Variants in PHF3 observed in about 807,000 individuals in gnomAD.
PHF3 encodes the protein PHD finger protein 3.
Under a neutral mutation model 178.4 loss-of-function variants are expected in PHF3, and 41 were observed. That is an observed-to-expected ratio of 0.23 (90% CI 0.18 to 0.30). The LOEUF is 0.30. Ranked by LOEUF, PHF3 falls within the 10% of genes least tolerant of loss-of-function variation. The pLI is 1.00. For synonymous variants in PHF3, 842 were observed against 800.5 expected (o/e 1.05, Z -0.88); for missense variants, 2,346 against 2,398.1 (o/e 0.98, Z 0.45).
chr6:63,702,658 T>C lies in PHF3; in HGVS notation c.3231+19T>C, dbSNP rs780047128. On this transcript the variant is annotated intron_variant, in intron 10 of 15. Coordinates refer to ENST00000262043, the MANE Select transcript of PHF3 (RefSeq NM_001370348.2). ...GATTCAGGTAAGGATAGATATGCCA[T>C]GTTTTATAGCTCAAAACATGAAGAT... is the stretch of plus-strand genomic sequence containing the variant. 4 of 1,594,046 alleles carry C rather than the reference T, an allele frequency of 2.5e-6. No individual in the cohort carries two copies. Among genetic ancestry groups the C allele is most frequent in the Middle Eastern group, 1.7e-4 (1 of 5,948 alleles).
intron 2 of PHF3, among the ~76,000 whole-genome samples, chr6:63,670,460 G>A (rs1369341035): frequency 6.6e-6 from 1 of 151,950 alleles, no homozygotes; most frequent in Non-Finnish European, 1.5e-5. Flanking sequence ...AGTAGAGATG[G>A]GGTTTCACCA....
chr6:63,646,842 AAAT>A (rs752560132), intron 2 of PHF3, 47 bp downstream of exon 2: 2 of 1,253,932 alleles, frequency 1.6e-6, no homozygotes, highest in Non-Finnish European at 2.0e-6. Context: ...CTGCAATTTA[AAAT>A]AAAAAAATTT....
At chr6:63,711,416 C>A (rs1465896611) in intron 15 of PHF3, 54 bp downstream of exon 15, 3 of 1,459,916 alleles carry the variant, frequency 2.1e-6, no homozygotes, top group Non-Finnish European at 2.8e-6. Flanking sequence ...GGAGGTGGGA[C>A]CAGAGTGAAA....
At chr6:63,652,855 A>T (rs773169529) in intron 2 of PHF3, among the ~76,000 whole-genome samples, 1 of 151,704 alleles carries the variant, frequency 6.6e-6, no homozygotes, top group Non-Finnish European at 1.5e-5. Context: ...ATGTGGATTC[A>T]TTTCTGGGTT....
intron 2 of PHF3, among the ~76,000 whole-genome samples, chr6:63,672,565 A>T (rs1765965793): frequency 6.6e-6 from 1 of 152,178 alleles, no homozygotes; most frequent in Non-Finnish European, 1.5e-5. Flanking sequence ...TACTCCTTTA[A>T]TGAAATTAGA....
At chr6:63,707,404 C>CAT (rs1767741076) in intron 13 of PHF3, among the ~76,000 whole-genome samples, 2 of 152,038 alleles carry the variant, frequency 1.3e-5, no homozygotes, top group Non-Finnish European at 2.9e-5. Flanking sequence ...CAAGTGATAC[C>CAT]CTTGGTTGGT....
intron 13 of PHF3, among the ~76,000 whole-genome samples, chr6:63,707,863 G>GTT (rs1767761456): frequency 6.6e-6 from 1 of 151,414 alleles, no homozygotes; most frequent in East Asian, 1.9e-4. Flanking sequence ...TTTTGTTTTT[G>GTT]TTTTTGTTTT....
rs1245124237 is a variant in PHF3, at chr6:63,718,425, AATG to A, written c.*4720_*4722del. Among the ~76,000 whole-genome samples the A allele has an allele frequency of 3.9e-5, 6 of 152,082 alleles. No homozygotes were observed. The highest frequency in any genetic ancestry group is 7.4e-5 in the Non-Finnish European group (5 of 67,962). On this transcript the variant is annotated 3_prime_UTR_variant, in exon 16 of 16. Coordinates refer to ENST00000262043, the MANE Select transcript of PHF3 (RefSeq NM_001370348.2). ...CATTATTTAGCATACTAGAAAATCA[AATG>A]ATAAACGTTAAAAATATTTGTTAAT...
At chr6:63,699,168 T>A (rs768926982) in intron 8 of PHF3, among the ~76,000 whole-genome samples, 1 of 152,214 alleles carries the variant, frequency 6.6e-6, no homozygotes, top group Non-Finnish European at 1.5e-5. Context: ...AGAGGAAATC[T>A]AAAGGCTGTG....
intron 2 of PHF3, among the ~76,000 whole-genome samples, chr6:63,662,298 C>G (rs528154897): frequency 1.9e-4 from 29 of 152,238 alleles, no homozygotes; most frequent in African/African-American, 7.0e-4. Flanking sequence ...CTTAAATAGA[C>G]AGGAGAAGCT....
rs965725171 is a variant in PHF3 at position 63,718,941 on chromosome 6, G to A, written c.*5233G>A. The stretch of plus-strand genomic sequence containing the variant: ...TCCTTATGATCTGAGTATCTCCAAA[G>A]TTAAATGCAATAGTATGGAGCAATA... On this transcript the variant is annotated 3_prime_UTR_variant, in exon 16 of 16. Coordinates refer to ENST00000262043, the MANE Select transcript of PHF3 (RefSeq NM_001370348.2). Among the ~76,000 whole-genome samples the A allele has an allele frequency of 2.0e-5, 3 of 151,920 alleles. No individual in the cohort carries two copies. Among genetic ancestry groups the A allele is most frequent in the African/African-American group, 7.2e-5 (3 of 41,380 alleles).
intron 2 of PHF3, among the ~76,000 whole-genome samples, chr6:63,654,443 TG>T (rs1765146679): frequency 6.6e-6 from 1 of 152,236 alleles, no homozygotes; most frequent in Non-Finnish European, 1.5e-5. Flanking sequence ...TAAAAATTTC[TG>T]TAAGATTGAT....
chr6:63,672,084 G>C (rs1028827700), intron 2 of PHF3, among the ~76,000 whole-genome samples: 3 of 151,930 alleles, frequency 2.0e-5, no homozygotes, highest in African/African-American at 7.3e-5. Context: ...CTTGTCGTCT[G>C]TCCGCCTCAG....
At chr6:63,688,208 T>G (rs1766806422) in intron 4 of PHF3, among the ~76,000 whole-genome samples, 2 of 84,842 alleles carry the variant, frequency 2.4e-5, no homozygotes, top group African/African-American at 4.6e-5. Context: ...AAAGCCTATG[T>G]AATTGTTTTT....
chr6:63,679,518 A>G (rs1464843590), intron 2 of PHF3, among the ~76,000 whole-genome samples: 1 of 151,700 alleles, frequency 6.6e-6, no homozygotes, highest in Non-Finnish European at 1.5e-5. Context: ...ACCAGTCAAA[A>G]GTACATCTGC....
In PHF3 at chr6:63,684,109, AT is replaced by A. The variant is rs748024153; in HGVS notation, c.407-14del. On this transcript the variant is annotated intron_variant, in intron 3 of 15. Transcript: ENST00000262043. ...ACAAAATAGCTAAGTATTTTTATTT[AT>A]TTTTTCCCCCTGTGATAGAACAAGT... is the stretch of plus-strand genomic sequence containing the variant. 1.0e-5 allele frequency: 16 copies of A among 1,531,936 alleles called. No homozygotes were observed. Among genetic ancestry groups the A allele is most frequent in the Admixed American group, 6.5e-5 (3 of 46,364 alleles). 94.9% of individuals were successfully genotyped at this position (1,531,936 alleles called of 1,614,324 possible). A position where few individuals can be genotyped will look rare whatever the true frequency, so the allele number is the denominator to read the frequency against.
chr6:63,640,855 TTG>T (rs1348454859), intron 1 of PHF3, among the ~76,000 whole-genome samples: 1 of 152,140 alleles, frequency 6.6e-6, no homozygotes, highest in African/African-American at 2.4e-5. Context: ...GGATAATTTT[TTG>T]TGTGTGTGTG....
At chr6:63,692,197 T>G (rs1767038190) in intron 5 of PHF3, among the ~76,000 whole-genome samples, 154 bp downstream of exon 5, 1 of 152,214 alleles carries the variant, frequency 6.6e-6, no homozygotes, top group Non-Finnish European at 1.5e-5. Flanking sequence ...TTATTTAAAA[T>G]TTTTTGTCAG....
chr6:63,724,698 TATC>T lies in PHF3; in HGVS notation c.*10993_*10995del, dbSNP rs773064566. Among the ~76,000 whole-genome samples the T allele has an allele frequency of 6.6e-6, 1 of 152,142 alleles. No homozygotes were observed. The highest frequency in any genetic ancestry group is 1.5e-5 in the Non-Finnish European group (1 of 68,002). On this transcript the variant is annotated 3_prime_UTR_variant, in exon 16 of 16. Coordinates refer to ENST00000262043, the MANE Select transcript of PHF3 (RefSeq NM_001370348.2). ...AGATCATCTAGTATAATTTTCAAGT[TATC>T]ATTTTGTTTTAAATTTTACACTACT... is the stretch of plus-strand genomic sequence containing the variant.
Sources: allele counts gnomAD v4.1 joint callset (sites outside exome capture counted in the v4.1 genomes callset), GRCh38; gene constraint gnomAD v4.1.1; transcripts MANE v1.5; gene names NCBI Gene and HGNC (gene_info 2026-07-23, HGNC 2026-07-21).